CNR1: variants seen among roughly 807,000 people sequenced by gnomAD.
CNR1 encodes cannabinoid receptor 1.
In CNR1, 10 loss-of-function variants were observed where a neutral mutation model predicts 23.0. The ratio of observed to expected loss-of-function variants is 0.43; its 90% confidence interval spans 0.27 to 0.74. The LOEUF is 0.74. Among genes scored for constraint, CNR1 ranks in the 30% least tolerant of loss-of-function variants. The pLI, the probability that CNR1 is intolerant of heterozygous loss-of-function variation, is 0.19. For missense variants in CNR1, 422 were observed against 618.8 expected (o/e 0.68, Z 3.37); for synonymous variants, 271 against 255.2 (o/e 1.06, Z -0.59).
rs1408818091 is a variant in CNR1 at position 88,140,984 on chromosome 6, T to A, written c.*2872A>T. 3 of 143,476 alleles carry A rather than the reference T, an allele frequency of 2.1e-5. No individual in the cohort carries two copies. The highest frequency in any genetic ancestry group is 7.7e-5 in the African/African-American group (3 of 38,964). 8.9% of individuals were successfully genotyped at this position (143,476 alleles called of 1,614,324 possible). On this transcript the variant is annotated 3_prime_UTR_variant, in exon 2 of 2. Transcript: ENST00000369501. ...CATCATGACTCTGATAAAAAAAAAA[T>A]GAGCAGGTTGGGAATTTGGCCCTTT...
chr6:88,164,537 T>G (rs1778268168), intron 1 of CNR1, among the ~76,000 whole-genome samples: 1 of 152,206 alleles, frequency 6.6e-6, no homozygotes, highest in South Asian at 2.1e-4. Flanking sequence ...GCCTTTTATT[T>G]TTATAAAATT....
intron 1 of CNR1, among the ~76,000 whole-genome samples, chr6:88,148,234 C>T (rs1412540324): frequency 6.6e-6 from 1 of 152,218 alleles, no homozygotes; most frequent in East Asian, 1.9e-4. Context: ...TAGCTCCCTG[C>T]TTCCCATGGC....
In CNR1 at chr6:88,160,559, C is replaced by T. The variant is rs556538104; in HGVS notation, c.-64+5244G>A. Among the ~76,000 whole-genome samples the T allele has an allele frequency of 3.0e-4, 45 of 151,596 alleles. 1 individual carries two copies. The South Asian group carries it at 8.7e-3, about 29-fold the overall frequency. ...AAGCAATTCTCCCACTTCAACCTCC[C>T]GAGTAGCTGGGATTACAGGCACATG... On this transcript the variant is annotated intron_variant, in intron 1 of 1. Coordinates refer to ENST00000369501, the MANE Select transcript of CNR1 (RefSeq NM_016083.6).
intron 1 of CNR1, among the ~76,000 whole-genome samples, chr6:88,149,829 C>T (rs765801911): frequency 2.6e-5 from 4 of 152,142 alleles, no homozygotes; most frequent in African/African-American, 4.8e-5. Context: ...GGCCTCATCA[C>T]GTCGTATAAT....
Position 88,145,310 on chromosome 6 carries a change from C to T in CNR1, c.-36G>A. On this transcript the variant is annotated 5_prime_UTR_variant, in exon 2 of 2. Transcript: ENST00000369501. ...TTTGATTAGGCTGAGCTCAAAATGA[C>T]TGAGAAAGTGACCCACAGGGGGCAA... is the stretch of plus-strand genomic sequence containing the variant. 1.3e-6 allele frequency: 2 copies of T among 1,549,624 alleles called. No individual in the cohort carries two copies. Among genetic ancestry groups the T allele is most frequent in the Middle Eastern group, 3.5e-4 (2 of 5,774 alleles).
chr6:88,165,248 T>A (rs956209587), intron 1 of CNR1, among the ~76,000 whole-genome samples: 3 of 152,356 alleles, frequency 2.0e-5, no homozygotes, highest in South Asian at 2.1e-4. Context: ...AATGCAACAT[T>A]AACTTTAGTC....
chr6:88,164,933 T>C (rs1778292734), intron 1 of CNR1, among the ~76,000 whole-genome samples: 1 of 152,214 alleles, frequency 6.6e-6, no homozygotes, highest in Non-Finnish European at 1.5e-5. Flanking sequence ...TTGGATTACA[T>C]GCCCGAGGAG....
At chr6:88,150,773 A>T (rs1035723201) in intron 1 of CNR1, among the ~76,000 whole-genome samples, 1 of 152,258 alleles carries the variant, frequency 6.6e-6, no homozygotes, top group Non-Finnish European at 1.5e-5. Context: ...TGTAAGGAAC[A>T]GCTCTCTCAT....
At chr6:88,166,893 G>A (rs1582389717), upstream of CNR1, among the ~76,000 whole-genome samples, 1 of 152,054 alleles carries the variant, frequency 6.6e-6, no homozygotes, top group East Asian at 1.9e-4. Flanking sequence ...CCCGTGGCAG[G>A]CGGCAGCGAG....
In CNR1 at chr6:88,141,233, A is replaced by T. The variant is rs1208533651; in HGVS notation, c.*2623T>A. On this transcript the variant is annotated 3_prime_UTR_variant, in exon 2 of 2. Coordinates refer to ENST00000369501, the MANE Select transcript of CNR1 (RefSeq NM_016083.6). ...TTTTCGTCACTTGGGTTAAGAAATGATATGAAAAGTGTCAAAGTGAATCTA... is the reference window on the plus strand; with the variant it reads ...TTTTCGTCACTTGGGTTAAGAAATGTTATGAAAAGTGTCAAAGTGAATCTA... 6.5e-6 allele frequency: 1 copy of T among 152,792 alleles called. No homozygotes were observed. Among genetic ancestry groups the T allele is most frequent in the African/African-American group, 2.4e-5 (1 of 41,452 alleles). The allele number at this position is 152,792 out of a possible 1,614,324, so 9.5% of individuals were successfully genotyped here.
At chr6:88,155,916 C>T (rs774381619) in intron 1 of CNR1, among the ~76,000 whole-genome samples, 2 of 152,162 alleles carry the variant, frequency 1.3e-5, no homozygotes, top group Admixed American at 1.3e-4. Flanking sequence ...TTCCACAACA[C>T]CAGTGAGACA....
Position 88,140,075 on chromosome 6 carries a change from T to G in CNR1, c.*3781A>C, listed in dbSNP as rs1274421106. 1.3e-5 allele frequency: 2 copies of G among 152,812 alleles called. No homozygotes were observed. The highest frequency in any genetic ancestry group is 2.4e-5 in the African/African-American group (1 of 41,464). 9.5% of individuals were successfully genotyped at this position (152,812 alleles called of 1,614,324 possible). Reference sequence around the variant, plus strand: ...ACTGAAGCTACATTTAATAACAATCTTACCAGTACTTGTATACAAAGTATT... The same window carrying G: ...ACTGAAGCTACATTTAATAACAATCGTACCAGTACTTGTATACAAAGTATT... On this transcript the variant is annotated 3_prime_UTR_variant, in exon 2 of 2. Coordinates refer to ENST00000369501, the MANE Select transcript of CNR1 (RefSeq NM_016083.6).
At chr6:88,165,530 A>C (rs751833259) in intron 1 of CNR1, among the ~76,000 whole-genome samples, 2 of 152,228 alleles carry the variant, frequency 1.3e-5, no homozygotes, top group East Asian at 3.8e-4. Context: ...CCGTTTTTCA[A>C]ACATGCACAA....
In CNR1 at chr6:88,144,408, G is replaced by C; in HGVS notation, c.867C>G (p.Phe289Leu). 1 of 1,614,108 alleles carries C rather than the reference G, an allele frequency of 6.2e-7. No homozygotes were observed. The highest frequency in any genetic ancestry group is 8.5e-7 in the Non-Finnish European group (1 of 1,180,044). ...GAATATACATGTACGCATACACGAT[G>C]AACAGAAGCAGTACGCTGGTGACCC... ...WIGVTSVLLL[F>L]IVYAYMYILW... Residue 289 changes from phenylalanine to leucine, a missense_variant, in exon 2 of 2, where the codon TTC (phenylalanine) becomes TTG (leucine). Around this residue, in one of 4 missense-constraint regions of CNR1, gnomAD observed 211 missense variants for 357.3 expected, o/e 0.59. Transcript: ENST00000369501. This position sits in a 1 kb window ranked among gnomAD's most constrained non-coding sequence, Gnocchi z 7.8.
intron 1 of CNR1, among the ~76,000 whole-genome samples, chr6:88,146,398 G>A (rs1777187823): frequency 6.6e-6 from 1 of 152,174 alleles, no homozygotes; most frequent in Non-Finnish European, 1.5e-5. Context: ...GAGCCACTGT[G>A]CCCGGCCAAG....
At chr6:88,148,280 A>G (rs1040816825) in intron 1 of CNR1, among the ~76,000 whole-genome samples, 1 of 152,034 alleles carries the variant, frequency 6.6e-6, no homozygotes, top group Non-Finnish European at 1.5e-5. Flanking sequence ...GAATACCCAA[A>G]CAGAGTTCTA....
intron 1 of CNR1, among the ~76,000 whole-genome samples, chr6:88,157,864 G>GA (rs1462640871): frequency 6.6e-6 from 1 of 152,126 alleles, no homozygotes; most frequent in Non-Finnish European, 1.5e-5. Context: ...CAAGAGAAAT[G>GA]AATCTTGCTT....
chr6:88,164,410 G>A (rs1778261735), intron 1 of CNR1: 1 of 152,370 alleles, frequency 6.6e-6, no homozygotes, highest in African/African-American at 2.4e-5. Context: ...AACTGCCATT[G>A]TGCCTACAAA....
rs1477633491 is a variant in CNR1, at chr6:88,140,885, T to C, written c.*2971A>G. On this transcript the variant is annotated 3_prime_UTR_variant, in exon 2 of 2. Coordinates refer to ENST00000369501, the MANE Select transcript of CNR1 (RefSeq NM_016083.6). Reference sequence around the variant, plus strand: ...CAGATTCATATCCTTTCACATATATTTCATACAAAATAAATCAGAGGTTCC... The same window carrying C: ...CAGATTCATATCCTTTCACATATATCTCATACAAAATAAATCAGAGGTTCC... The C allele has an allele frequency of 6.6e-6, 1 of 152,294 alleles. No individual in the cohort carries two copies. Among genetic ancestry groups the C allele is most frequent in the African/African-American group, 2.4e-5 (1 of 41,422 alleles). 9.4% of individuals were successfully genotyped at this position (152,294 alleles called of 1,614,324 possible).
Sources: gnomAD v4.1 joint callset for allele counts (sites outside exome capture counted in the v4.1 genomes callset) on GRCh38, gnomAD v4.1.1 for gene constraint, gnomAD v4.1.1 regional missense constraint, Gnocchi (gnomAD v3.1) non-coding constraint, MANE v1.5 for transcripts, NCBI Gene and HGNC (gene_info 2026-07-23, HGNC 2026-07-21) for gene names.